The following GABRR1 variants were observed in gnomAD, a reference collection of about 807,000 sequenced individuals.
The protein encoded by GABRR1 is gamma-aminobutyric acid receptor subunit rho-1.
A neutral mutation model predicts 55.5 loss-of-function variants in GABRR1; 59 were observed. The observed-to-expected ratio is 1.06, with a 90% confidence interval of 0.86 to 1.32. The LOEUF is 1.32. GABRR1 is among the 40% of genes most tolerant of loss of function. GABRR1 has a pLI of 0.00. For missense variants in GABRR1, 602 were observed against 619.1 expected (o/e 0.97, Z 0.29); for synonymous variants, 213 against 226.0 (o/e 0.94, Z 0.51).
chr6:89,214,878 A>C (rs964775959), intron 1 of GABRR1, among the ~76,000 whole-genome samples: 5 of 152,228 alleles, frequency 3.3e-5, no homozygotes, highest in African/African-American at 1.2e-4. Flanking sequence ...AAATTTTTTT[A>C]ATTAGCCAGG....
intron 9 of GABRR1, among the ~76,000 whole-genome samples, chr6:89,180,074 C>CA (rs3836932): frequency 6.6e-6 from 1 of 151,310 alleles, no homozygotes; most frequent in African/African-American, 2.4e-5. Context: ...GTGGTAGGTG[C>CA]AAAAAAATTT....
At chr6:89,195,183 G>A (rs549990086) in intron 5 of GABRR1, among the ~76,000 whole-genome samples, 14 of 152,072 alleles carry the variant, frequency 9.2e-5, no homozygotes, top group South Asian at 2.1e-4. Context: ...AATTTGGGCC[G>A]GGCATGGTGG....
intron 1 of GABRR1, among the ~76,000 whole-genome samples, chr6:89,213,723 T>C (rs1195999367): frequency 1.3e-5 from 2 of 152,216 alleles, no homozygotes; most frequent in Admixed American, 6.5e-5. Flanking sequence ...ACTATATGCA[T>C]GGCATAATTC....
chr6:89,209,252 C>T (rs752998837), intron 1 of GABRR1, among the ~76,000 whole-genome samples: 1 of 151,946 alleles, frequency 6.6e-6, no homozygotes, highest in African/African-American at 2.4e-5. Context: ...TTGAAGACAC[C>T]GGGTTACTTT....
At chr6:89,219,262 C>T (rs565700828), upstream of GABRR1, among the ~76,000 whole-genome samples, 32 of 152,136 alleles carry the variant, frequency 2.1e-4, no homozygotes, top group South Asian at 8.3e-4. Flanking sequence ...AATGAAACTC[C>T]GTCCCAAAAA....
Position 89,190,215 on chromosome 6 carries a change from A to T in GABRR1, c.605T>A (p.Phe202Tyr). 1 of 1,611,892 alleles carries T rather than the reference A, an allele frequency of 6.2e-7. No homozygotes were observed. The highest frequency in any genetic ancestry group is 1.1e-5 in the South Asian group (1 of 90,528). ...TTGTGTGTCCAAGGGAAATCGGCTG[A>T]AGTCCATGTTGCACATTGCAGTTAC... is the stretch of plus-strand genomic sequence containing the variant. ...VTVTAMCNMD[F>Y]SRFPLDTQTC... The change falls in exon 6 of 10, where the codon TTC (phenylalanine) becomes TAC (tyrosine). Residue 202 changes from phenylalanine to tyrosine, a missense_variant. This residue lies in a region of GABRR1 where 435 missense variants were observed against 424.2 expected (regional missense o/e 1.03). Transcript: ENST00000454853.
In GABRR1 at chr6:89,205,565, T is replaced by C. The variant is rs192831715; in HGVS notation, c.123-2080A>G. Reference sequence around the variant, plus strand: ...CAACCTACAAGACTTCTTCTTGATGTCTGCTTGTTCTAGTTCTTAGTCTGT... The same window carrying C: ...CAACCTACAAGACTTCTTCTTGATGCCTGCTTGTTCTAGTTCTTAGTCTGT... On this transcript the variant is annotated intron_variant, in intron 1 of 9. Transcript: ENST00000454853. The C allele has an allele frequency of 5.9e-5, 9 of 152,390 alleles. No homozygotes were observed. In the East Asian group the frequency reaches 1.7e-3, roughly 29 times the overall value. The allele number at this position is 152,390 out of a possible 1,614,324, so 9.4% of individuals were successfully genotyped here.
Position 89,201,170 on chromosome 6 carries a change from G to A in GABRR1, c.269C>T (p.Pro90Leu). 1 of 1,613,410 alleles carries A rather than the reference G, an allele frequency of 6.2e-7. No homozygotes were observed. Among genetic ancestry groups the A allele is most frequent in the Non-Finnish European group, 8.5e-7 (1 of 1,179,378 alleles). ...RIDDHDFSMR[P>L]GFGGPAIPVG... ...CACACATCCCATACCTCCAAAGCCA[G>A]GCCTCATGCTGAAATCATGGTCATC... The change falls in exon 3 of 10, where the codon CCT becomes CTT. Residue 90 changes from proline (P) to leucine (L), a missense_variant. By Grantham distance (98) the Pro-to-Leu change is moderately conservative. Around this residue, in one of 3 missense-constraint regions of GABRR1, gnomAD observed 435 missense variants for 424.2 expected, o/e 1.03. Coordinates refer to ENST00000454853, the MANE Select transcript of GABRR1 (RefSeq NM_002042.5).
At position 89,180,428 on chromosome 6, in the gene GABRR1, C is replaced by A; in HGVS notation, c.1010G>T (p.Arg337Leu). 1 of 1,613,954 alleles carries A rather than the reference C, an allele frequency of 6.2e-7. No homozygotes were observed. The highest frequency in any genetic ancestry group is 8.5e-7 in the Non-Finnish European group (1 of 1,179,906). Residue 337 changes from arginine to leucine, a missense_variant, in exon 9 of 10, where the codon CGC becomes CTC. By Grantham distance (102) the Arg-to-Leu change is moderately radical. Transcript: ENST00000454853. ...IITGVNASMP[R>L]VSYIKAVDIY... is the part of the protein sequence containing the mutation. ...GTCCACGGCCTTGATGTAGGAGACGCGCGGCATGGAGGCATTCACGCCCGT... is the reference window on the plus strand; with the variant it reads ...GTCCACGGCCTTGATGTAGGAGACGAGCGGCATGGAGGCATTCACGCCCGT...
At chr6:89,224,209 C>T (rs1773161007) in intron 1 of GABRR1, among the ~76,000 whole-genome samples, 1 of 152,096 alleles carries the variant, frequency 6.6e-6, no homozygotes. Flanking sequence ...CTACCTCAGC[C>T]TCCCAAGTAG....
At chr6:89,224,690 T>C (rs1488532781) in intron 1 of GABRR1, among the ~76,000 whole-genome samples, 1 of 152,232 alleles carries the variant, frequency 6.6e-6, no homozygotes, top group Non-Finnish European at 1.5e-5. Flanking sequence ...CACCTGTTTA[T>C]CTTTGTTTTT....
rs370239040 is a variant in GABRR1 at position 89,179,032 on chromosome 6, C to A, written c.1178G>T (p.Arg393Leu). Residue 393 changes from arginine (R) to leucine (L), a missense_variant, in exon 10 of 10, where the codon CGC (arginine) becomes CTC (leucine). Arg to Leu is a moderately radical substitution (Grantham distance 102). Around this residue, in one of 3 missense-constraint regions of GABRR1, gnomAD observed 139 missense variants for 141.1 expected, o/e 0.99. Transcript: ENST00000454853. Reference sequence around the variant, plus strand: ...GTAGTTGCCGTCCAGCATCGCAGTGCGGGGCGGAGGTAATCCGCTGGTGCA... The same window carrying A: ...GTAGTTGCCGTCCAGCATCGCAGTGAGGGGCGGAGGTAATCCGCTGGTGCA... ...LPCTSGLPPP[R>L]TAMLDGNYSD... 5 of 1,614,046 alleles carry A rather than the reference C, an allele frequency of 3.1e-6. No homozygotes were observed. Among genetic ancestry groups the A allele is most frequent in the Non-Finnish European group, 4.2e-6 (5 of 1,180,004 alleles).
At chr6:89,197,575 G>A (rs577173507) in intron 5 of GABRR1, among the ~76,000 whole-genome samples, 1 of 152,334 alleles carries the variant, frequency 6.6e-6, no homozygotes, top group East Asian at 1.9e-4. Flanking sequence ...TAAAGTAGCC[G>A]GGGGTCCCCA....
Position 89,192,032 on chromosome 6 carries a change from A to C in GABRR1, c.573-1785T>G, listed in dbSNP as rs1342912919. 2.0e-5 allele frequency among the ~76,000 whole-genome samples: 3 copies of C among 147,934 alleles called. No individual in the cohort carries two copies. In the South Asian group the frequency reaches 6.5e-4, roughly 32 times the overall value. On this transcript the variant is annotated intron_variant, in intron 5 of 9. Transcript: ENST00000454853. ...ACTCCGGCCTGGGCAACAGAGTGAG[A>C]CTCCATCGAAAAAAAAAAAAAGAAA...
chr6:89,205,174 A>G (rs182929631), intron 1 of GABRR1, among the ~76,000 whole-genome samples: 8 of 152,340 alleles, frequency 5.3e-5, no homozygotes, highest in East Asian at 1.9e-4. Context: ...AAACTGAGAT[A>G]CAAAGACTTT....
chr6:89,213,461 T>C (rs1240271336), intron 1 of GABRR1, among the ~76,000 whole-genome samples: 1 of 152,262 alleles, frequency 6.6e-6, no homozygotes, highest in African/African-American at 2.4e-5. Context: ...GAGCTTTCAA[T>C]GTTCTTGTGC....
chr6:89,185,582 A>G (rs996842221), intron 6 of GABRR1, 132 bp from the exon 7 acceptor site: 2 of 759,528 alleles, frequency 2.6e-6, no homozygotes, highest in Non-Finnish European at 4.4e-6. Flanking sequence ...TGAAAAACAA[A>G]CCACAGTCTA....
At chr6:89,224,012 C>T (rs915470609) in intron 1 of GABRR1, among the ~76,000 whole-genome samples, 8 of 152,066 alleles carry the variant, frequency 5.3e-5, no homozygotes, top group Non-Finnish European at 1.0e-4. Flanking sequence ...CTGCCTGCCT[C>T]GGCCTCCCAA....
At chr6:89,201,303 C>A in intron 2 of GABRR1, 38 bp from the exon 3 acceptor site, 1 of 1,350,022 alleles carries the variant, frequency 7.4e-7, no homozygotes, top group Admixed American at 1.7e-5. Context: ...TCATATATTC[C>A]AACCAAGACA....
Sources: allele counts gnomAD v4.1 joint callset (sites outside exome capture counted in the v4.1 genomes callset), GRCh38; gene constraint gnomAD v4.1.1; regional missense constraint gnomAD v4.1.1; transcripts MANE v1.5; gene names NCBI Gene and HGNC (gene_info 2026-07-23, HGNC 2026-07-21).